Variants in PRKG1 observed in about 807,000 individuals in gnomAD.
PRKG1 encodes protein kinase cGMP-dependent 1.
In PRKG1, 35 loss-of-function variants were observed where a neutral mutation model predicts 88.1. The observed-to-expected ratio is 0.40, with a 90% CI of 0.30 to 0.53. The LOEUF (loss-of-function observed/expected upper bound fraction) is 0.53, where lower values mean the gene tolerates loss of function less well. Ranked by LOEUF, PRKG1 falls within the 20% of genes least tolerant of loss-of-function variation. The pLI is 0.59. For missense variants in PRKG1, 540 were observed against 839.8 expected, an observed-to-expected ratio of 0.64 and a Z score of 4.41; for synonymous variants, 303 against 292.5, an observed-to-expected ratio of 1.04 and a Z score of -0.37.
intron 4 of PRKG1, among the ~76,000 whole-genome samples, chr10:51,831,443 T>C (rs1215646747): frequency 6.6e-6 from 1 of 150,916 alleles, no homozygotes; most frequent in Non-Finnish European, 1.5e-5. Flanking sequence ...GCCAAGAAAA[T>C]GTAAATGAGA....
chr10:51,882,940 GATGCCCAGAAAACTGGTAATACATT>G (rs1410313233), intron 4 of PRKG1, among the ~76,000 whole-genome samples: 1 of 152,196 alleles, frequency 6.6e-6, no homozygotes, highest in Non-Finnish European at 1.5e-5. Flanking sequence ...TGGGCTAAGG[GATGCCCAGAAAACTGGTAATACATT>G]ATGTCTGGGT....
Position 51,666,578 on chromosome 10 carries a change from A to G in PRKG1, c.593-138007A>G, listed in dbSNP as rs143992053. Among the ~76,000 whole-genome samples the G allele has an allele frequency of 6.1e-4, 93 of 152,234 alleles. No homozygotes were observed. The East Asian group carries it at 0.016, about 27-fold the overall frequency. On this transcript the variant is annotated intron_variant, in intron 3 of 17. Transcript: ENST00000373980. ...AAGAAGTACAGCAGTATAATAATAT[A>G]CCATAAATGCTACTTACCCTTGAAG...
intron 3 of PRKG1, among the ~76,000 whole-genome samples, chr10:51,578,455 G>A (rs78404610): frequency 0.069 from 10,538 of 151,922 alleles, 1,197 homozygotes; most frequent in African/African-American, 0.24. Context: ...AATTTTGTCC[G>A]TCATGACTGG....
At chr10:52,196,969 C>T (rs1283748760) in intron 9 of PRKG1, among the ~76,000 whole-genome samples, 1 of 152,032 alleles carries the variant, frequency 6.6e-6, no homozygotes, top group Non-Finnish European at 1.5e-5. Context: ...TTAGACAATA[C>T]TTTAGGCAAT....
intron 3 of PRKG1, among the ~76,000 whole-genome samples, chr10:51,492,778 T>C (rs970248376): frequency 5.9e-5 from 9 of 152,132 alleles, no homozygotes; most frequent in African/African-American, 2.2e-4. Context: ...ATGAGAACGA[T>C]ATGTATTTCA....
chr10:51,102,732 A>G (rs111631631), intron 1 of PRKG1, among the ~76,000 whole-genome samples: 60 of 152,326 alleles, frequency 3.9e-4, no homozygotes, highest in African/African-American at 1.3e-3. Flanking sequence ...AGCCCCATCT[A>G]TGTGAACAGG....
At chr10:51,787,131 A>G (rs928772378) in intron 3 of PRKG1, among the ~76,000 whole-genome samples, 1 of 152,202 alleles carries the variant, frequency 6.6e-6, no homozygotes, top group Non-Finnish European at 1.5e-5. Flanking sequence ...TTCATAAAAT[A>G]AGTTAATCCC....
intron 2 of PRKG1, among the ~76,000 whole-genome samples, chr10:51,404,078 T>C (rs1360998431): frequency 6.6e-6 from 1 of 152,188 alleles, no homozygotes; most frequent in African/African-American, 2.4e-5. Context: ...CATTAGTGCA[T>C]AGTGCTGTTA....
intron 2 of PRKG1, among the ~76,000 whole-genome samples, chr10:51,417,678 C>A (rs971568343): frequency 1.3e-5 from 2 of 152,060 alleles, no homozygotes; most frequent in African/African-American, 4.8e-5. Context: ...CTTCTTAGTT[C>A]ATTGTTTTCT....
intron 1 of PRKG1, among the ~76,000 whole-genome samples, chr10:51,081,928 T>A (rs1467881268): frequency 1.3e-5 from 2 of 152,174 alleles, no homozygotes; most frequent in Non-Finnish European, 1.5e-5. Context: ...GGATAATTTT[T>A]AATTTTTTTC....
intron 7 of PRKG1, among the ~76,000 whole-genome samples, chr10:52,073,054 C>T (rs1168082758): frequency 6.6e-6 from 1 of 152,198 alleles, no homozygotes; most frequent in Non-Finnish European, 1.5e-5. Flanking sequence ...GAATCTGTTC[C>T]ATGCCTCACT....
At chr10:51,579,076 G>A (rs550848133) in intron 3 of PRKG1, among the ~76,000 whole-genome samples, 3 of 148,198 alleles carry the variant, frequency 2.0e-5, no homozygotes, top group African/African-American at 7.5e-5. Context: ...CTGCCTCCTG[G>A]GTTCAAGCGA....
chr10:51,923,187 G>T (rs1235901541), intron 5 of PRKG1, among the ~76,000 whole-genome samples: 1 of 151,564 alleles, frequency 6.6e-6, no homozygotes, highest in Non-Finnish European at 1.5e-5. Flanking sequence ...TGTGAAGTTT[G>T]TTTTTTTGGA....
At chr10:52,277,163 G>A (rs1052836971) in intron 12 of PRKG1, among the ~76,000 whole-genome samples, 5 of 152,092 alleles carry the variant, frequency 3.3e-5, no homozygotes, top group East Asian at 1.9e-4. Flanking sequence ...TGTTTGCTTC[G>A]TGGTGAAAAA....
intron 3 of PRKG1, among the ~76,000 whole-genome samples, chr10:51,675,677 G>A (rs60886099): frequency 0.11 from 16,730 of 152,094 alleles, 1,379 homozygotes; most frequent in East Asian, 0.43. Flanking sequence ...CCTTCGAATT[G>A]TTTTAATATA....
rs113229921 is a variant in PRKG1, at chr10:51,081,397, T to C, written c.311+6496T>C. Among the ~76,000 whole-genome samples, 330 of 152,336 alleles carry C rather than the reference T, an allele frequency of 2.2e-3. 1 individual carries two copies. Among genetic ancestry groups the C allele is most frequent in the Admixed American group, 4.9e-3 (75 of 15,304 alleles). On this transcript the variant is annotated intron_variant, in intron 1 of 17. Transcript: ENST00000373980. ...AGCTTGCAAGTAAGATAGTACTTTA[T>C]GGATGAAGACTGCCATAGAGAAGAG...
At chr10:51,561,714 A>G (rs910256898) in intron 3 of PRKG1, among the ~76,000 whole-genome samples, 1 of 152,104 alleles carries the variant, frequency 6.6e-6, no homozygotes, top group African/African-American at 2.4e-5. Flanking sequence ...AGGGGAAATA[A>G]TCTCCTAAAG....
intron 2 of PRKG1, among the ~76,000 whole-genome samples, chr10:51,333,425 G>A (rs1280461067): frequency 6.6e-6 from 1 of 152,138 alleles, no homozygotes; most frequent in African/African-American, 2.4e-5. Flanking sequence ...GTTTTACTAA[G>A]GTACATGGTG....
chr10:51,384,740 T>C (rs1837203510), intron 2 of PRKG1, among the ~76,000 whole-genome samples: 1 of 152,100 alleles, frequency 6.6e-6, no homozygotes, highest in African/African-American at 2.4e-5. Context: ...TCATTGCTGT[T>C]CCCACTTCCC....
Sources: allele counts gnomAD v4.1 joint callset (sites outside exome capture counted in the v4.1 genomes callset), GRCh38; gene constraint gnomAD v4.1.1; transcripts MANE v1.5; gene names NCBI Gene and HGNC (gene_info 2026-07-23, HGNC 2026-07-21).